Variants in KLHL5 observed in about 807,000 individuals in gnomAD.
KLHL5 encodes kelch like family member 5.
In KLHL5, 48 loss-of-function variants were observed where a neutral mutation model predicts 77.7. The observed-to-expected ratio is 0.62, with a 90% CI of 0.49 to 0.79. KLHL5 has a LOEUF of 0.79. Ranked by LOEUF, KLHL5 falls within the 30% of genes least tolerant of loss-of-function variation. The probability of loss-of-function intolerance (pLI) is 0.00; values close to 1 mark genes in which losing one functional copy is unlikely to be tolerated. For synonymous variants in KLHL5, 260 were observed against 297.0 expected (o/e 0.88, Z 1.28); for missense variants, 723 against 859.7 (o/e 0.84, Z 1.99).
chr4:39,055,694 C>T (rs1036693237), intron 1 of KLHL5, among the ~76,000 whole-genome samples: 4 of 152,130 alleles, frequency 2.6e-5, no homozygotes, highest in Admixed American at 2.6e-4. Context: ...CTCAGAGTTC[C>T]AGGTTGACTG....
Position 39,121,827 on chromosome 4 carries a change from T to A in KLHL5, c.*761T>A, listed in dbSNP as rs1445964084. The A allele has an allele frequency of 2.6e-5, 4 of 152,654 alleles. No homozygotes were observed. The highest frequency in any genetic ancestry group is 5.9e-5 in the Non-Finnish European group (4 of 68,036). The allele number at this position is 152,654 out of a possible 1,614,324, so 9.5% of individuals were successfully genotyped here. On this transcript the variant is annotated 3_prime_UTR_variant, in exon 11 of 11. Transcript: ENST00000504108. Reference sequence around the variant, plus strand: ...TTATGTAGAGAAAATAAATGTTATATACCCTATAATCTTTCACCTAATTAG... The same window carrying A: ...TTATGTAGAGAAAATAAATGTTATAAACCCTATAATCTTTCACCTAATTAG...
upstream of KLHL5, among the ~76,000 whole-genome samples, chr4:39,060,160 GAA>G (rs1717293361): frequency 1.3e-5 from 2 of 152,202 alleles, no homozygotes; most frequent in South Asian, 4.2e-4. Context: ...AATTAGGTGA[GAA>G]GAGCAAAATG....
chr4:39,059,431 C>G (rs1265249869), upstream of KLHL5, among the ~76,000 whole-genome samples: 2 of 152,100 alleles, frequency 1.3e-5, no homozygotes, highest in Non-Finnish European at 2.9e-5. Flanking sequence ...CCATTACACA[C>G]CTGTCAGAAT....
chr4:39,114,283 G>A (rs1722675013), intron 9 of KLHL5, among the ~76,000 whole-genome samples: 1 of 152,164 alleles, frequency 6.6e-6, no homozygotes, highest in African/African-American at 2.4e-5. Context: ...TTGGAGAATT[G>A]GAAGGGAAAG....
intron 8 of KLHL5, among the ~76,000 whole-genome samples, chr4:39,111,088 G>A (rs1471842810): frequency 2.0e-5 from 3 of 152,040 alleles, no homozygotes; most frequent in African/African-American, 4.8e-5. Context: ...GATTATTTAG[G>A]AAGTGTTACC....
the KLHL5 span, among the ~76,000 whole-genome samples, chr4:39,139,529 T>TATA: frequency 6.6e-6 from 1 of 152,048 alleles, no homozygotes; most frequent in African/African-American, 2.4e-5. Flanking sequence ...TGGACCCTAA[T>TATA]ATAAACTGTG....
chr4:39,089,180 G>T (rs1720304640), intron 5 of KLHL5, among the ~76,000 whole-genome samples: 1 of 152,144 alleles, frequency 6.6e-6, no homozygotes, highest in African/African-American at 2.4e-5. Flanking sequence ...GATATAGATA[G>T]AAATTACCAG....
chr4:39,135,248 G>A, the KLHL5 span: 3 of 152,294 alleles, frequency 2.0e-5, no homozygotes, highest in Non-Finnish European at 2.9e-5. Flanking sequence ...TAGGAATATC[G>A]TGTTGGGGTC....
At chr4:39,069,469 TATATACAC>T (rs1186158689) in intron 1 of KLHL5, among the ~76,000 whole-genome samples, 25 of 66,832 alleles carry the variant, frequency 3.7e-4, no homozygotes, top group South Asian at 2.3e-3. Context: ...TATATATATA[TATATACAC>T]ACACACACAC....
At chr4:39,049,668 CA>C (rs1560400340) in intron 1 of KLHL5, among the ~76,000 whole-genome samples, 1 of 151,352 alleles carries the variant, frequency 6.6e-6, no homozygotes, top group East Asian at 1.9e-4. Context: ...CACTGCCCTC[CA>C]ACCTACGGGA....
intron 1 of KLHL5, among the ~76,000 whole-genome samples, chr4:39,066,716 T>C (rs115292388): frequency 6.6e-6 from 1 of 152,348 alleles, no homozygotes; most frequent in African/African-American, 2.4e-5. Context: ...TTGCTGATAC[T>C]AAGCAGTGCT....
intron 1 of KLHL5, among the ~76,000 whole-genome samples, chr4:39,073,386 TCAAA>T (rs35372273): frequency 0.72 from 109,593 of 151,518 alleles, 39,802 homozygotes; most frequent in East Asian, 0.82. Context: ...AGTTCATCAC[TCAAA>T]CATTCAACTA....
At chr4:39,128,806 T>C (rs929258656), downstream of KLHL5, among the ~76,000 whole-genome samples, 18 of 151,862 alleles carry the variant, frequency 1.2e-4, no homozygotes, top group African/African-American at 3.6e-4. Context: ...TACAAATATG[T>C]TTTTTAAAAA....
chr4:39,090,832 TCA>T (rs1720470703), intron 5 of KLHL5, among the ~76,000 whole-genome samples: 2 of 151,988 alleles, frequency 1.3e-5, no homozygotes, highest in South Asian at 4.1e-4. Context: ...AGGCAGGGTC[TCA>T]CTCTATTTCC....
At chr4:39,111,203 T>G (rs1346433464) in intron 8 of KLHL5, among the ~76,000 whole-genome samples, 1 of 152,206 alleles carries the variant, frequency 6.6e-6, no homozygotes, top group Non-Finnish European at 1.5e-5. Flanking sequence ...GTAATTAATT[T>G]TTCTCTGTAA....
At chr4:39,063,977 C>G (rs1053192629) in intron 1 of KLHL5, among the ~76,000 whole-genome samples, 4 of 152,098 alleles carry the variant, frequency 2.6e-5, no homozygotes, top group Non-Finnish European at 4.4e-5. Flanking sequence ...GCACAAATAG[C>G]TTATCATTTG....
chr4:39,079,046 G>T (rs991622361), intron 2 of KLHL5, among the ~76,000 whole-genome samples: 7 of 152,126 alleles, frequency 4.6e-5, no homozygotes, highest in Non-Finnish European at 8.8e-5. Flanking sequence ...GGTTATGAAC[G>T]TGGGTTTGTT....
chr4:39,063,680 G>T, intron 1 of KLHL5: 1 of 369,736 alleles, frequency 2.7e-6, no homozygotes, highest in South Asian at 2.1e-5. Flanking sequence ...GGGAAATGAA[G>T]GACATTCCTC....
At chr4:39,133,451 G>A in the KLHL5 span, among the ~76,000 whole-genome samples, 189 of 151,902 alleles carry the variant, frequency 1.2e-3, no homozygotes, top group African/African-American at 3.9e-3. Flanking sequence ...AAAATTAAGG[G>A]TTTCATCTGT....
Sources: gnomAD v4.1 joint callset for allele counts (sites outside exome capture counted in the v4.1 genomes callset) on GRCh38, gnomAD v4.1.1 for gene constraint, MANE v1.5 for transcripts, NCBI Gene and HGNC (gene_info 2026-07-23, HGNC 2026-07-21) for gene names.